The following ATP8A2 variants were observed in gnomAD, a reference collection of about 807,000 sequenced individuals.
The protein encoded by ATP8A2 is phospholipid-transporting ATPase IB.
In ATP8A2, 100 loss-of-function variants were observed where a neutral mutation model predicts 165.6. The observed-to-expected ratio is 0.60, with a 90% confidence interval of 0.51 to 0.71. The LOEUF (loss-of-function observed/expected upper bound fraction) is 0.71, where lower values mean the gene tolerates loss of function less well. ATP8A2 is among the 30% of genes least tolerant of loss of function. ATP8A2 has a pLI of 0.00. For missense variants in ATP8A2, 1,227 were observed against 1,479.5 expected, an observed-to-expected ratio of 0.83 and a Z score of 2.80; for synonymous variants, 543 against 548.8, an observed-to-expected ratio of 0.99 and a Z score of 0.15.
At chr13:25,525,343 C>T (rs1289150886) in intron 2 of ATP8A2, among the ~76,000 whole-genome samples, 1 of 152,130 alleles carries the variant, frequency 6.6e-6, no homozygotes, top group Non-Finnish European at 1.5e-5. Flanking sequence ...TTGCACACCA[C>T]AATTACAGTA....
At chr13:25,916,134 G>A (rs1269281665) in intron 33 of ATP8A2, among the ~76,000 whole-genome samples, 1 of 152,202 alleles carries the variant, frequency 6.6e-6, no homozygotes, top group African/African-American at 2.4e-5. Flanking sequence ...AAGGGAAATG[G>A]AGACATTGAT....
At chr13:25,844,282 G>A (rs1951809710) in intron 30 of ATP8A2, among the ~76,000 whole-genome samples, 1 of 151,900 alleles carries the variant, frequency 6.6e-6, no homozygotes, top group Non-Finnish European at 1.5e-5. Flanking sequence ...CCAGGCTGGA[G>A]TGCAGGAGCA....
chr13:25,532,232 AC>A (rs1481802994), intron 4 of ATP8A2, 39 bp from the exon 5 acceptor site: 61 of 1,527,140 alleles, frequency 4.0e-5, no homozygotes, highest in Non-Finnish European at 5.4e-5. Flanking sequence ...TTCATGTGGA[AC>A]TTTTGAATGT....
At chr13:25,706,117 G>A (rs765752666) in intron 25 of ATP8A2, among the ~76,000 whole-genome samples, 2 of 152,222 alleles carry the variant, frequency 1.3e-5, no homozygotes, top group Non-Finnish European at 2.9e-5. Context: ...GAGATGACTA[G>A]TAGCTTAGTC....
intron 8 of ATP8A2, 23 bp from the exon 9 acceptor site, chr13:25,541,896 C>T (rs780146176): frequency 8.1e-6 from 13 of 1,613,328 alleles, no homozygotes; most frequent in Non-Finnish European, 1.1e-5. Flanking sequence ...TGTTTGACTT[C>T]CTCTTTTGGT....
intron 24 of ATP8A2, among the ~76,000 whole-genome samples, chr13:25,657,571 CTG>C (rs1320482324): frequency 2.0e-5 from 3 of 152,178 alleles, no homozygotes; most frequent in Non-Finnish European, 4.4e-5. Flanking sequence ...AGACAGAAAT[CTG>C]TACTGCATAG....
rs1373593306 is a variant in ATP8A2, at chr13:25,504,716, C to T, written c.222-25283C>T. ...GATTGCGCCACTGCAGTCCGCAGTC[C>T]GGCCTGGGCGACAGAGCGAGACTCC... is the stretch of plus-strand genomic sequence containing the variant. On this transcript the variant is annotated intron_variant, in intron 2 of 36. Coordinates refer to ENST00000381655, the MANE Select transcript of ATP8A2 (RefSeq NM_016529.6). 4.4e-5 allele frequency among the ~76,000 whole-genome samples: 6 copies of T among 137,430 alleles called. No individual in the cohort carries two copies. In the East Asian group the frequency reaches 6.2e-4, roughly 14 times the overall value. The allele number at this position is 137,430 out of a possible 152,430, so 90.2% of individuals were successfully genotyped here.
chr13:25,897,915 T>C (rs551016537), intron 33 of ATP8A2, among the ~76,000 whole-genome samples: 8 of 152,306 alleles, frequency 5.3e-5, no homozygotes, highest in East Asian at 3.9e-4. Flanking sequence ...TCTGCATTGA[T>C]TATTTTAGTT....
chr13:25,654,801 G>T (rs2041890675), intron 24 of ATP8A2, among the ~76,000 whole-genome samples: 2 of 152,184 alleles, frequency 1.3e-5, no homozygotes, highest in African/African-American at 2.4e-5. Context: ...CGCTGTGCAG[G>T]TGGTACATAG....
intron 25 of ATP8A2, among the ~76,000 whole-genome samples, chr13:25,745,029 C>T (rs959113853): frequency 3.9e-5 from 6 of 152,036 alleles, no homozygotes; most frequent in African/African-American, 1.4e-4. Context: ...CAACCTCCGC[C>T]TCCCAGGTTC....
chr13:25,659,776 C>A (rs1317868794), intron 24 of ATP8A2, among the ~76,000 whole-genome samples: 1 of 152,136 alleles, frequency 6.6e-6, no homozygotes, highest in Non-Finnish European at 1.5e-5. Flanking sequence ...TGAAGCTTTC[C>A]CTTGCCAGCT....
intron 1 of ATP8A2, among the ~76,000 whole-genome samples, chr13:25,409,541 A>T (rs573335579): frequency 6.2e-4 from 94 of 152,326 alleles, no homozygotes; most frequent in African/African-American, 2.1e-3. Flanking sequence ...ATTCATCATG[A>T]GCTTCAGACA....
chr13:25,950,963 C>T (rs891128401), intron 33 of ATP8A2: 25 of 152,198 alleles, frequency 1.6e-4, no homozygotes, highest in African/African-American at 6.0e-4. Flanking sequence ...CCATGAGCCA[C>T]TGGAGTGGAA....
chr13:25,892,305 G>A (rs578129891), intron 33 of ATP8A2, among the ~76,000 whole-genome samples: 1 of 152,248 alleles, frequency 6.6e-6, no homozygotes, highest in Admixed American at 6.5e-5. Context: ...AGTAGGTAGT[G>A]TCAGCTTGGG....
At position 25,862,428 on chromosome 13, in the gene ATP8A2, AGT is replaced by A. The variant is rs1952386849; in HGVS notation, c.3183+25_3183+26del. ...GGACAGGTAAGTACTCCTGATTGGG[AGT>A]GTGTCTTCTGTGTCTTGTGACAGCA... On this transcript the variant is annotated intron_variant, in intron 33 of 36. Transcript: ENST00000381655. 1.3e-6 allele frequency: 2 copies of A among 1,571,356 alleles called. No individual in the cohort carries two copies. The highest frequency in any genetic ancestry group is 1.8e-6 in the Non-Finnish European group (2 of 1,141,246).
rs148097938 is a variant in ATP8A2, at chr13:25,626,668, G to A, written c.2211+36969G>A. ...TAAGAGGATGATGTGTTAAGGAGTG[G>A]TATGGGGAGTAAAGAAGTCACCCTT... On this transcript the variant is annotated intron_variant, in intron 24 of 36. Coordinates refer to ENST00000381655, the MANE Select transcript of ATP8A2 (RefSeq NM_016529.6). Among the ~76,000 whole-genome samples, 38 of 152,208 alleles carry A rather than the reference G, an allele frequency of 2.5e-4. 1 individual carries two copies. In the East Asian group the frequency reaches 6.2e-3, roughly 25 times the overall value.
At chr13:25,440,616 A>G (rs762481603) in intron 1 of ATP8A2, among the ~76,000 whole-genome samples, 6 of 152,212 alleles carry the variant, frequency 3.9e-5, no homozygotes, top group Non-Finnish European at 8.8e-5. Flanking sequence ...TGGAGAAGAT[A>G]TTGCTCCATA....
chr13:25,673,873 T>C (rs1462685291), intron 24 of ATP8A2, among the ~76,000 whole-genome samples: 1 of 152,100 alleles, frequency 6.6e-6, no homozygotes, highest in Non-Finnish European at 1.5e-5. Context: ...AAGAAACAAT[T>C]TTAGGGGAAA....
chr13:25,977,372 A>G (rs1042697642), intron 35 of ATP8A2, among the ~76,000 whole-genome samples: 4 of 152,168 alleles, frequency 2.6e-5, no homozygotes, highest in African/African-American at 9.6e-5. Flanking sequence ...TTGCTGACAA[A>G]TACTCGCGAC....
Sources: allele counts gnomAD v4.1 joint callset (sites outside exome capture counted in the v4.1 genomes callset), GRCh38; gene constraint gnomAD v4.1.1; transcripts MANE v1.5; gene names NCBI Gene and HGNC (gene_info 2026-07-23, HGNC 2026-07-21).